Variants in SPATA31H1 observed in about 807,000 individuals in gnomAD.
SPATA31H1 encodes the protein SPATA31 subfamily H member 1, also known as spermatogenesis-associated protein 31H1.
the SPATA31H1 span, among the ~76,000 whole-genome samples, chr2:27,542,897 G>A: frequency 6.6e-6 from 1 of 152,034 alleles, no homozygotes; most frequent in East Asian, 1.9e-4. Context: ...AGGAGTTCGA[G>A]ACCACCCTGT....
chr2:27,545,368 AG>A, the SPATA31H1 span, among the ~76,000 whole-genome samples: 1 of 151,904 alleles, frequency 6.6e-6, no homozygotes, highest in Non-Finnish European at 1.5e-5. Flanking sequence ...ATGATAAAGA[AG>A]AAGGTTTCAG....
chr2:27,576,166 A>AT, the SPATA31H1 span: 2 of 407,304 alleles, frequency 4.9e-6, no homozygotes, highest in South Asian at 1.1e-4. Flanking sequence ...CAAGGTGTAG[A>AT]ATCAGGGACA....
At chr2:27,549,855 C>G in the SPATA31H1 span, among the ~76,000 whole-genome samples, 1 of 151,850 alleles carries the variant, frequency 6.6e-6, no homozygotes, top group Admixed American at 6.6e-5. Context: ...TGGGGTCTCA[C>G]TATATTGCCC....
the SPATA31H1 span, chr2:27,582,385 AGG>A: frequency 3.7e-5 from 60 of 1,614,106 alleles, 1 homozygote; most frequent in African/African-American, 7.5e-4. Flanking sequence ...AGTCCCCTTA[AGG>A]AGGGACTCAA....
At chr2:27,560,517 GC>G in the SPATA31H1 span, among the ~76,000 whole-genome samples, 1 of 151,138 alleles carries the variant, frequency 6.6e-6, no homozygotes, top group Non-Finnish European at 1.5e-5. Flanking sequence ...GAGTGCAGTG[GC>G]AAGATCTCGG....
chr2:27,548,259 G>A, the SPATA31H1 span, among the ~76,000 whole-genome samples: 7 of 151,486 alleles, frequency 4.6e-5, no homozygotes, highest in South Asian at 6.4e-4. Context: ...GTGAGCCACC[G>A]CGCCCGGACT....
the SPATA31H1 span, among the ~76,000 whole-genome samples, chr2:27,545,859 A>T: frequency 6.6e-6 from 1 of 151,772 alleles, no homozygotes; most frequent in Non-Finnish European, 1.5e-5. Flanking sequence ...CATTGCACCC[A>T]GTTCATCTTT....
At chr2:27,551,635 G>C in the SPATA31H1 span, among the ~76,000 whole-genome samples, 1 of 151,980 alleles carries the variant, frequency 6.6e-6, no homozygotes, top group Non-Finnish European at 1.5e-5. Flanking sequence ...CTCAGGCAAG[G>C]ATTTTCCATT....
At chr2:27,537,876 A>G in the SPATA31H1 span, among the ~76,000 whole-genome samples, 5 of 152,210 alleles carry the variant, frequency 3.3e-5, no homozygotes, top group African/African-American at 1.2e-4. Context: ...GGAGGTAGAC[A>G]GTATTTTGAA....
At chr2:27,579,473 T>C in the SPATA31H1 span, 5 of 1,614,136 alleles carry the variant, frequency 3.1e-6, no homozygotes, top group South Asian at 2.2e-5. Context: ...CTTTTTATCA[T>C]GGTCATAAGA....
the SPATA31H1 span, chr2:27,575,475 T>C: frequency 2.5e-6 from 1 of 398,512 alleles, no homozygotes; most frequent in African/African-American, 2.1e-5. The surrounding 1 kb of genome is among the most constrained non-coding windows in gnomAD (Gnocchi z 4.1). Flanking sequence ...TTCTGAGTTG[T>C]GCCTAGGAAC....
the SPATA31H1 span, among the ~76,000 whole-genome samples, chr2:27,545,453 G>T: frequency 6.6e-6 from 1 of 151,970 alleles, no homozygotes; most frequent in African/African-American, 2.4e-5. Context: ...TGGTCATGTG[G>T]TATATATGTT....
At chr2:27,541,410 G>A in the SPATA31H1 span, among the ~76,000 whole-genome samples, 2 of 113,618 alleles carry the variant, frequency 1.8e-5, no homozygotes, top group African/African-American at 6.5e-5. Flanking sequence ...AAGGGGGAGA[G>A]AGAGAGGGGA....
chr2:27,544,533 T>TA, the SPATA31H1 span, among the ~76,000 whole-genome samples: 1 of 150,178 alleles, frequency 6.7e-6, no homozygotes, highest in Admixed American at 6.7e-5. Context: ...ACAACAATTT[T>TA]TTTTTTTTTT....
the SPATA31H1 span, chr2:27,566,204 T>C: frequency 2.5e-3 from 1,759 of 709,646 alleles, 12 homozygotes; most frequent in Middle Eastern, 2.3e-3. Context: ...AGCTTTCTCC[T>C]TTCTAAGTTA....
At chr2:27,574,610 T>TGTG in the SPATA31H1 span, 2 of 398,476 alleles carry the variant, frequency 5.0e-6, no homozygotes, top group East Asian at 7.1e-5. Flanking sequence ...TGGATTTCAA[T>TGTG]TCTGGACAAC....
At chr2:27,540,106 T>A in the SPATA31H1 span, among the ~76,000 whole-genome samples, 331 of 30,456 alleles carry the variant, frequency 0.011, no homozygotes, top group Admixed American at 0.023. Context: ...GAGGCGCCCC[T>A]CACCTCCCGG....
At chr2:27,550,248 G>C in the SPATA31H1 span, among the ~76,000 whole-genome samples, 1 of 147,226 alleles carries the variant, frequency 6.8e-6, no homozygotes, top group Non-Finnish European at 1.5e-5. Flanking sequence ...GTAGAGGATA[G>C]TTTGCAATAA....
At chr2:27,574,404 G>C in the SPATA31H1 span, 13 of 398,292 alleles carry the variant, frequency 3.3e-5, no homozygotes, top group African/African-American at 2.5e-4. Flanking sequence ...TTTGACCCTG[G>C]GGAGGAAGTT....
Sources: gnomAD v4.1 joint callset for allele counts (sites outside exome capture counted in the v4.1 genomes callset) on GRCh38, gnomAD v4.1.1 for gene constraint, Gnocchi (gnomAD v3.1) non-coding constraint, MANE v1.5 for transcripts, NCBI Gene and HGNC (gene_info 2026-07-23, HGNC 2026-07-21) for gene names.